The following GSE1 variants were observed in gnomAD, a reference collection of about 807,000 sequenced individuals.
The protein encoded by GSE1 is genetic suppressor element 1.
GSE1 carries 32 observed loss-of-function variants against 112.6 expected under a neutral mutation model. The observed-to-expected ratio is 0.28, with a 90% CI of 0.21 to 0.38. The LOEUF (loss-of-function observed/expected upper bound fraction) is 0.38, where lower values mean the gene tolerates loss of function less well. GSE1 is among the 10% of genes least tolerant of loss of function. GSE1 has a pLI of 1.00. For synonymous variants in GSE1, 1,115 were observed against 735.6 expected (o/e 1.52, Z -8.35); for missense variants, 2,348 against 1,699.2 (o/e 1.38, Z -6.71).
intron 1 of GSE1, among the ~76,000 whole-genome samples, chr16:85,262,520 G>T (rs540210478): frequency 6.6e-6 from 1 of 152,188 alleles, no homozygotes; most frequent in Non-Finnish European, 1.5e-5. Flanking sequence ...CCCTCCTCCA[G>T]CCCCACATCG....
intron 1 of GSE1, among the ~76,000 whole-genome samples, chr16:85,562,572 G>A (rs2045570998): frequency 6.6e-6 from 1 of 152,240 alleles, no homozygotes; most frequent in African/African-American, 2.4e-5. Context: ...TCTACGCAGG[G>A]GAAAGTGCAG....
chr16:85,653,526 C>G (rs1233066123), intron 3 of GSE1, among the ~76,000 whole-genome samples: 3 of 151,422 alleles, frequency 2.0e-5, no homozygotes, highest in Non-Finnish European at 4.4e-5. Flanking sequence ...GAAGACCCCT[C>G]ATCTGAGTCC....
chr16:85,638,728 A>G (rs1398353294), intron 2 of GSE1, among the ~76,000 whole-genome samples: 2 of 129,218 alleles, frequency 1.5e-5, no homozygotes, highest in Non-Finnish European at 1.6e-5. Flanking sequence ...CCCACCTCCT[A>G]CGTGCCTCCC....
At chr16:85,170,896 G>A (rs945775871) in exon 1 of GSE1, 29 of 985,462 alleles carry the variant, frequency 2.9e-5, no homozygotes, top group South Asian at 4.7e-5. Flanking sequence ...CCACGCCCCC[G>A]GCATGGCCTC....
At chr16:85,259,542 A>T (rs567320725) in intron 1 of GSE1, among the ~76,000 whole-genome samples, 51 of 152,354 alleles carry the variant, frequency 3.3e-4, no homozygotes, top group Admixed American at 1.3e-3. Flanking sequence ...GCCAGGGCAC[A>T]GAGAGGGTGG....
chr16:85,560,840 T>C (rs1490624019), intron 1 of GSE1, among the ~76,000 whole-genome samples: 3 of 151,774 alleles, frequency 2.0e-5, no homozygotes, highest in African/African-American at 7.3e-5. Context: ...ATAATAATAA[T>C]AACGAGGACT....
chr16:85,281,107 G>C (rs2044844274), intron 1 of GSE1, among the ~76,000 whole-genome samples: 1 of 152,142 alleles, frequency 6.6e-6, no homozygotes, highest in Admixed American at 6.5e-5. Flanking sequence ...AGAAGCAAAT[G>C]AACCCACGAT....
At chr16:85,352,168 C>T (rs1230005334) in intron 1 of GSE1, among the ~76,000 whole-genome samples, 7 of 152,180 alleles carry the variant, frequency 4.6e-5, no homozygotes, top group South Asian at 2.1e-4. Flanking sequence ...CCACACCCTC[C>T]TCCCCTGAGT....
At chr16:85,434,931 C>T (rs1035850237) in intron 2 of GSE1, among the ~76,000 whole-genome samples, 1 of 152,236 alleles carries the variant, frequency 6.6e-6, no homozygotes, top group Non-Finnish European at 1.5e-5. Context: ...GCAGCCTTTC[C>T]CTGTCCCCTC....
In GSE1 at chr16:85,613,390, G is replaced by A. The variant is rs1440229796; in HGVS notation, c.-2G>A. 1.3e-6 allele frequency: 2 copies of A among 1,565,618 alleles called. No individual in the cohort carries two copies. Among genetic ancestry groups the A allele is most frequent in the Non-Finnish European group, 1.7e-6 (2 of 1,156,380 alleles). ...GCCGAGGTGGAGCTGCGGGGCCCTG[G>A]CATGAAAGGTGAGCGCGCCGCACCC... On this transcript the variant is annotated 5_prime_UTR_variant, in exon 1 of 16. Coordinates refer to ENST00000253458, the MANE Select transcript of GSE1 (RefSeq NM_014615.5).
intron 1 of GSE1, among the ~76,000 whole-genome samples, chr16:85,206,879 T>C (rs1028129849): frequency 1.4e-5 from 2 of 143,524 alleles, no homozygotes; most frequent in African/African-American, 5.1e-5. Flanking sequence ...CTGCCCTTTC[T>C]TTATGGCAGG....
intron 2 of GSE1, among the ~76,000 whole-genome samples, chr16:85,432,394 C>A (rs1373473141): frequency 6.6e-6 from 1 of 152,224 alleles, no homozygotes; most frequent in Non-Finnish European, 1.5e-5. Context: ...ACTTCACAGG[C>A]AACGAGAGAC....
chr16:85,368,769 C>G (rs1211085593), intron 2 of GSE1, among the ~76,000 whole-genome samples: 1 of 152,188 alleles, frequency 6.6e-6, no homozygotes, highest in Non-Finnish European at 1.5e-5. Context: ...AAAATTCCAG[C>G]AACTGTAGAC....
chr16:85,276,656 G>A (rs1264210089), intron 1 of GSE1, among the ~76,000 whole-genome samples: 2 of 152,214 alleles, frequency 1.3e-5, no homozygotes, highest in Non-Finnish European at 2.9e-5. Flanking sequence ...GGGCGTGGAG[G>A]ATGCTTCGGT....
chr16:85,639,478 C>G (rs952911011), intron 2 of GSE1, among the ~76,000 whole-genome samples: 1 of 145,102 alleles, frequency 6.9e-6, no homozygotes, highest in Non-Finnish European at 1.6e-5. Context: ...ATTCTGACTC[C>G]CCTCTAAGCC....
chr16:85,200,987 G>A (rs946717813), intron 1 of GSE1, among the ~76,000 whole-genome samples: 5 of 152,236 alleles, frequency 3.3e-5, no homozygotes, highest in Non-Finnish European at 7.3e-5. Context: ...CTGGAGCAGG[G>A]CAGTGTCTAG....
At chr16:85,338,099 T>G (rs2046543829) in intron 1 of GSE1, among the ~76,000 whole-genome samples, 1 of 152,218 alleles carries the variant, frequency 6.6e-6, no homozygotes, top group Non-Finnish European at 1.5e-5. Flanking sequence ...GTCCTGCTCT[T>G]GCTGACCACC....
intron 2 of GSE1, among the ~76,000 whole-genome samples, chr16:85,424,494 G>T (rs538978282): frequency 1.3e-5 from 2 of 152,306 alleles, no homozygotes; most frequent in Admixed American, 6.5e-5. Context: ...ATGGGAACCC[G>T]CCAGCCATGC....
intron 1 of GSE1, among the ~76,000 whole-genome samples, chr16:85,341,197 A>C (rs1372443982): frequency 1.4e-5 from 2 of 146,140 alleles, no homozygotes; most frequent in Non-Finnish European, 3.1e-5. Context: ...TCTGTTGTTT[A>C]CTTTTTTTTT....
Sources: gnomAD v4.1 joint callset for allele counts (sites outside exome capture counted in the v4.1 genomes callset) on GRCh38, gnomAD v4.1.1 for gene constraint, MANE v1.5 for transcripts, NCBI Gene and HGNC (gene_info 2026-07-23, HGNC 2026-07-21) for gene names.